SMYD3: variants seen among roughly 807,000 people sequenced by gnomAD.
SMYD3 encodes the protein histone-lysine N-methyltransferase SMYD3.
SMYD3 carries 36 observed loss-of-function variants against 57.7 expected under a neutral mutation model. The ratio of observed to expected loss-of-function variants is 0.62; its 90% CI spans 0.48 to 0.82. SMYD3 has a LOEUF of 0.82. Among genes scored for constraint, SMYD3 ranks in the 40% least tolerant of loss-of-function variants. The pLI is 0.00. For synonymous variants in SMYD3, 211 were observed against 195.0 expected (o/e 1.08, Z -0.68); for missense variants, 515 against 538.8 (o/e 0.96, Z 0.44).
At chr1:245,901,028 C>G (rs755548202) in intron 8 of SMYD3, among the ~76,000 whole-genome samples, 50 of 152,314 alleles carry the variant, frequency 3.3e-4, no homozygotes, top group Middle Eastern at 3.4e-3. Flanking sequence ...CTTCTTAAGG[C>G]AAAATGGATC....
intron 5 of SMYD3, among the ~76,000 whole-genome samples, chr1:246,272,764 G>T (rs912209686): frequency 6.6e-6 from 1 of 152,082 alleles, no homozygotes; most frequent in African/African-American, 2.4e-5. Context: ...TAATATCTTT[G>T]TCTGGCTTTG....
At chr1:246,459,477 TAA>T (rs1257179847) in intron 1 of SMYD3, among the ~76,000 whole-genome samples, 1 of 150,676 alleles carries the variant, frequency 6.6e-6, no homozygotes, top group African/African-American at 2.4e-5. Context: ...ATTCTCGCAA[TAA>T]GAGTTCTCGT....
intron 5 of SMYD3, among the ~76,000 whole-genome samples, chr1:246,107,303 A>T (rs983836664): frequency 1.3e-5 from 2 of 152,158 alleles, no homozygotes; most frequent in Non-Finnish European, 2.9e-5. Context: ...AGAAAAAAAA[A>T]AAGAATTTTG....
intron 1 of SMYD3, among the ~76,000 whole-genome samples, chr1:246,455,552 C>T (rs955085763): frequency 1.3e-5 from 2 of 152,150 alleles, no homozygotes; most frequent in Non-Finnish European, 2.9e-5. Context: ...CACTGAGCCT[C>T]CAAATGCTAT....
At chr1:246,308,361 GT>G (rs2065021275) in intron 5 of SMYD3, among the ~76,000 whole-genome samples, 1 of 152,012 alleles carries the variant, frequency 6.6e-6, no homozygotes, top group Non-Finnish European at 1.5e-5. Flanking sequence ...CCACTGCTTT[GT>G]TTTGGCCCTA....
intron 10 of SMYD3, among the ~76,000 whole-genome samples, chr1:245,813,860 C>CTATATATATATA (rs6143718): frequency 1.6e-4 from 23 of 147,012 alleles, no homozygotes; most frequent in Middle Eastern, 3.5e-3. Context: ...TCATGGAGCC[C>CTATATATATATA]TATATATATA....
intron 5 of SMYD3, among the ~76,000 whole-genome samples, chr1:246,124,842 A>C (rs2061481075): frequency 6.6e-6 from 1 of 152,064 alleles, no homozygotes; most frequent in South Asian, 2.1e-4. Context: ...TTTCTACTTA[A>C]AACAAAATCT....
chr1:245,885,417 A>G (rs1302406016), intron 8 of SMYD3, among the ~76,000 whole-genome samples: 3 of 152,142 alleles, frequency 2.0e-5, no homozygotes, highest in Non-Finnish European at 4.4e-5. Flanking sequence ...GCAAGCTTCC[A>G]GCTTGCTTGT....
chr1:246,500,978 C>T (rs12027904), intron 1 of SMYD3, among the ~76,000 whole-genome samples: 58,972 of 152,122 alleles, frequency 0.39, 13,186 homozygotes, highest in East Asian at 0.71. Context: ...TCCCAAACCA[C>T]ATTATTATCA....
At chr1:246,304,494 T>C (rs1317618658) in intron 5 of SMYD3, among the ~76,000 whole-genome samples, 5 of 152,040 alleles carry the variant, frequency 3.3e-5, no homozygotes, top group Non-Finnish European at 7.4e-5. Context: ...GAAAATATGA[T>C]AAAAATAGAC....
chr1:246,165,161 T>C (rs1427960853), intron 5 of SMYD3, among the ~76,000 whole-genome samples: 1 of 152,202 alleles, frequency 6.6e-6, no homozygotes, highest in South Asian at 2.1e-4. Flanking sequence ...AACATGGAGA[T>C]TGCTGCTCAT....
intron 1 of SMYD3, among the ~76,000 whole-genome samples, chr1:246,411,022 T>TTG (rs2066959218): frequency 1.3e-5 from 2 of 151,274 alleles, no homozygotes; most frequent in South Asian, 4.2e-4. Context: ...TGATATCCCC[T>TTG]TTATTTTTTA....
chr1:246,344,903 A>G, intron 2 of SMYD3, among the ~76,000 whole-genome samples: 1 of 152,158 alleles, frequency 6.6e-6, no homozygotes, highest in East Asian at 1.9e-4. Context: ...CAGTTTTCTT[A>G]CTACTGAATT....
At chr1:246,464,416 C>A (rs1272864426) in intron 1 of SMYD3, among the ~76,000 whole-genome samples, 3 of 152,136 alleles carry the variant, frequency 2.0e-5, no homozygotes, top group African/African-American at 4.8e-5. Flanking sequence ...ACTCGGGAGG[C>A]TGAGGTGGGA....
intron 10 of SMYD3, among the ~76,000 whole-genome samples, chr1:245,807,980 CTT>C (rs2048276007): frequency 6.6e-6 from 1 of 152,122 alleles, no homozygotes; most frequent in Non-Finnish European, 1.5e-5. Flanking sequence ...AATTTAATCT[CTT>C]GAGAGTATTC....
intron 5 of SMYD3, among the ~76,000 whole-genome samples, chr1:246,190,208 C>T (rs2062710355): frequency 6.6e-6 from 1 of 151,652 alleles, no homozygotes; most frequent in Admixed American, 6.6e-5. Context: ...AATAATACTG[C>T]TTAACAAAGG....
chr1:246,107,476 A>G lies in SMYD3; in HGVS notation c.532-177539T>C, dbSNP rs186120532. Among the ~76,000 whole-genome samples, 3 of 151,650 alleles carry G rather than the reference A, an allele frequency of 2.0e-5. No individual in the cohort carries two copies. In the East Asian group the frequency reaches 5.8e-4, roughly 29 times the overall value. On this transcript the variant is annotated intron_variant, in intron 5 of 11. Coordinates refer to ENST00000490107, the MANE Select transcript of SMYD3 (RefSeq NM_001167740.2). Reference sequence around the variant, plus strand: ...ATTTAATCACAGAAAAGACTAGACTATCAGGTAGTTGGTGGCTACAGAAGT... The same window carrying G: ...ATTTAATCACAGAAAAGACTAGACTGTCAGGTAGTTGGTGGCTACAGAAGT...
chr1:246,348,798 A>AT (rs34366894), intron 2 of SMYD3, among the ~76,000 whole-genome samples: 147,734 of 152,090 alleles, frequency 0.97, 71,771 homozygotes, highest in East Asian at 1. Flanking sequence ...ATAAAAATAA[A>AT]TTTTTTTCTT....
intron 1 of SMYD3, among the ~76,000 whole-genome samples, chr1:246,432,412 G>T (rs10924728): frequency 0.049 from 7,400 of 152,264 alleles, 632 homozygotes; most frequent in African/African-American, 0.17. Flanking sequence ...AGGTGGAGAG[G>T]TGGTGTTTGG....
Sources: gnomAD v4.1 joint callset for allele counts (sites outside exome capture counted in the v4.1 genomes callset) on GRCh38, gnomAD v4.1.1 for gene constraint, MANE v1.5 for transcripts, NCBI Gene and HGNC (gene_info 2026-07-23, HGNC 2026-07-21) for gene names.